ANAPC1: variants seen among roughly 807,000 people sequenced by gnomAD.
ANAPC1 encodes anaphase-promoting complex subunit 1.
Under a neutral mutation model 208.0 loss-of-function variants are expected in ANAPC1, and 36 were observed. That is an observed-to-expected ratio of 0.17 (90% confidence interval 0.13 to 0.23). ANAPC1 has a LOEUF of 0.23. Among genes scored for constraint, ANAPC1 ranks in the 10% least tolerant of loss-of-function variants. The pLI, the probability that ANAPC1 is intolerant of heterozygous loss-of-function variation, is 1.00. For missense variants in ANAPC1, 942 were observed against 2,011.6 expected (o/e 0.47, Z 10.17); for synonymous variants, 378 against 695.2 (o/e 0.54, Z 7.18).
chr2:111,877,845 T>C (rs1255449763), intron 3 of ANAPC1, among the ~76,000 whole-genome samples: 2 of 152,126 alleles, frequency 1.3e-5, no homozygotes, highest in Non-Finnish European at 2.9e-5. Context: ...TTCCTAGCTA[T>C]CTATTTCCTT....
chr2:111,809,082 G>C lies in ANAPC1; in HGVS notation c.3697C>G (p.Pro1233Ala). ...GTGGACGTTGGGGGTAAGAGAGCAG[G>C]AATGTGAATGCTAAGAAGCCGAGTA... is the stretch of plus-strand genomic sequence containing the variant. ...SITRLLSIHI[P>A]ALLPPTSTEL... The change falls in exon 29 of 48, where the codon CCT (proline) becomes GCT (alanine). Residue 1233 changes from proline (P) to alanine (A), a missense_variant. Physicochemically the swap from Pro to Ala is conservative, Grantham distance 27. Transcript: ENST00000341068. 6.2e-7 allele frequency: 1 copy of C among 1,611,972 alleles called. No homozygotes were observed.
At chr2:111,856,071 T>C (rs1317911444) in intron 13 of ANAPC1, among the ~76,000 whole-genome samples, 6 of 152,112 alleles carry the variant, frequency 3.9e-5, no homozygotes, top group Non-Finnish European at 7.4e-5. Context: ...CCGTCTCTAC[T>C]AAAAATACAA....
chr2:111,779,924 TAA>T (rs1429528936), intron 44 of ANAPC1: 4 of 275,120 alleles, frequency 1.5e-5, no homozygotes, highest in African/African-American at 6.9e-5. Flanking sequence ...GTATGAACAA[TAA>T]AAAGCAGGGT....
chr2:111,883,317 ATT>A (rs1399646532), intron 1 of ANAPC1, among the ~76,000 whole-genome samples: 1 of 151,956 alleles, frequency 6.6e-6, no homozygotes, highest in Non-Finnish European at 1.5e-5. Context: ...TTATAATGTT[ATT>A]TTCTTATAAC....
At chr2:111,769,744 C>T (rs1345482209) in intron 47 of ANAPC1, among the ~76,000 whole-genome samples, 2 of 139,316 alleles carry the variant, frequency 1.4e-5, no homozygotes, top group Non-Finnish European at 3.1e-5. Flanking sequence ...TGCAGTGGCG[C>T]TCTCTCGGCT....
chr2:111,868,761 G>A (rs1682574511), intron 6 of ANAPC1, among the ~76,000 whole-genome samples: 1 of 152,170 alleles, frequency 6.6e-6, no homozygotes, highest in Non-Finnish European at 1.5e-5. Flanking sequence ...TTGAACTCCT[G>A]ACCTCAGGTG....
intron 34 of ANAPC1, among the ~76,000 whole-genome samples, chr2:111,797,028 T>C (rs940841498): frequency 2.0e-5 from 3 of 151,902 alleles, no homozygotes; most frequent in East Asian, 3.9e-4. Flanking sequence ...TTTTTTTGTT[T>C]GTTTGTTTGT....
At chr2:111,849,712 C>T (rs1303225332) in intron 14 of ANAPC1, among the ~76,000 whole-genome samples, 2 of 151,930 alleles carry the variant, frequency 1.3e-5, no homozygotes, top group East Asian at 3.9e-4. Context: ...CATATTAATC[C>T]CTCCTTTCCA....
chr2:111,852,972 A>C (rs541200563), intron 13 of ANAPC1, among the ~76,000 whole-genome samples: 21 of 150,474 alleles, frequency 1.4e-4, no homozygotes, highest in African/African-American at 5.1e-4. Context: ...TGAGTAACAG[A>C]GAGAGATACT....
At chr2:111,837,605 C>A (rs201240726) in intron 18 of ANAPC1, among the ~76,000 whole-genome samples, 1 of 115,676 alleles carries the variant, frequency 8.6e-6, no homozygotes, top group Admixed American at 9.9e-5. Flanking sequence ...GGCGAGACTC[C>A]GTCTCAAAAA....
At chr2:111,873,445 T>C in intron 4 of ANAPC1, 37 bp from the exon 5 acceptor site, 1 of 1,595,714 alleles carries the variant, frequency 6.3e-7, no homozygotes, top group Non-Finnish European at 8.5e-7. Flanking sequence ...TATGTGTTTT[T>C]TCCCTCAAAG....
chr2:111,869,474 ACCTCAGGTGATCCACTCG>A (rs1682620384), intron 6 of ANAPC1, among the ~76,000 whole-genome samples: 1 of 152,134 alleles, frequency 6.6e-6, no homozygotes, highest in African/African-American at 2.4e-5. Flanking sequence ...CGAACTCCTG[ACCTCAGGTGATCCACTCG>A]CCTCGGCCTC....
Position 111,790,202 on chromosome 2 carries a change from AAC to A in ANAPC1, c.4713-1884_4713-1883del, listed in dbSNP as rs1677805322. Among the ~76,000 whole-genome samples, 5 of 151,996 alleles carry A rather than the reference AAC, an allele frequency of 3.3e-5. No individual in the cohort carries two copies. The South Asian group carries it at 1.0e-3, about 32-fold the overall frequency. ...TTCACAGAATGGAAGACAATACTGT[AAC>A]AGATTCTAATCTCCTTAACACAGAC... On this transcript the variant is annotated intron_variant, in intron 38 of 47. Transcript: ENST00000341068.
chr2:111,881,784 A>AC lies in ANAPC1; in HGVS notation c.-24-936dup, dbSNP rs576784601. 2.0e-3 allele frequency among the ~76,000 whole-genome samples: 308 copies of AC among 152,278 alleles called. 1 individual carries two copies. The highest frequency in any genetic ancestry group is 7.2e-3 in the African/African-American group (300 of 41,564). ...TGAGATGATGCAAGCTAGTCTTAAG[A>AC]CCCCATCAAGGAACCACATTAGCAT... On this transcript the variant is annotated intron_variant, in intron 1 of 47. Transcript: ENST00000341068.
intron 7 of ANAPC1, among the ~76,000 whole-genome samples, chr2:111,867,656 C>T (rs1339974266): frequency 1.3e-5 from 2 of 150,812 alleles, no homozygotes; most frequent in African/African-American, 2.4e-5. Flanking sequence ...CACACCACTG[C>T]ACTCCAGCCT....
intron 17 of ANAPC1, among the ~76,000 whole-genome samples, chr2:111,842,670 C>G (rs1032961504): frequency 2.0e-5 from 3 of 150,492 alleles, no homozygotes; most frequent in Non-Finnish European, 3.0e-5. Flanking sequence ...AATGGATTTG[C>G]TGTGCAAGGC....
At chr2:111,876,770 G>A (rs937024922) in intron 3 of ANAPC1, among the ~76,000 whole-genome samples, 1 of 152,268 alleles carries the variant, frequency 6.6e-6, no homozygotes, top group Non-Finnish European at 1.5e-5. Flanking sequence ...AACGGTAGGC[G>A]GGAGGAGTGG....
chr2:111,833,932 CTTCT>C (rs550099640), intron 19 of ANAPC1, among the ~76,000 whole-genome samples: 41 of 152,306 alleles, frequency 2.7e-4, no homozygotes, highest in African/African-American at 8.2e-4. Flanking sequence ...TCAAATTCAA[CTTCT>C]TTATCACCAA....
chr2:111,812,451 G>A (rs1303147852), intron 28 of ANAPC1, among the ~76,000 whole-genome samples: 2 of 86,752 alleles, frequency 2.3e-5, no homozygotes, highest in East Asian at 6.2e-4. Context: ...CTAGGAAAGT[G>A]GCCGAGAAAA....
Sources: gnomAD v4.1 joint callset for allele counts (sites outside exome capture counted in the v4.1 genomes callset) on GRCh38, gnomAD v4.1.1 for gene constraint, MANE v1.5 for transcripts, NCBI Gene and HGNC (gene_info 2026-07-23, HGNC 2026-07-21) for gene names.